Variants in ADAMTSL1 observed in about 807,000 individuals in gnomAD.
ADAMTSL1 encodes ADAMTS like 1, also known as ADAMTS-like protein 1.
ADAMTSL1 carries 126 observed loss-of-function variants against 201.8 expected under a neutral mutation model. The observed-to-expected ratio is 0.62, with a 90% CI of 0.54 to 0.72. ADAMTSL1 has a LOEUF of 0.72. Among genes scored for constraint, ADAMTSL1 ranks in the 30% least tolerant of loss-of-function variants. The pLI is 0.00. For synonymous variants in ADAMTSL1, 1,121 were observed against 903.4 expected (o/e 1.24, Z -4.32); for missense variants, 2,679 against 2,277.8 (o/e 1.18, Z -3.59).
At chr9:18,118,008 T>C (rs1825327626) in intron 1 of ADAMTSL1, among the ~76,000 whole-genome samples, 2 of 152,298 alleles carry the variant, frequency 1.3e-5, no homozygotes, top group South Asian at 4.1e-4. Context: ...GTCCTAAATA[T>C]AGCATGCACC....
At chr9:17,908,911 G>A (rs888580669) in intron 1 of ADAMTSL1, among the ~76,000 whole-genome samples, 2 of 151,560 alleles carry the variant, frequency 1.3e-5, no homozygotes, top group African/African-American at 4.8e-5. Flanking sequence ...CTTCCACAAT[G>A]GTTGAACTAG....
intron 1 of ADAMTSL1, among the ~76,000 whole-genome samples, chr9:18,083,549 C>G (rs1212083176): frequency 6.6e-6 from 1 of 152,156 alleles, no homozygotes; most frequent in African/African-American, 2.4e-5. Context: ...TAATTTCAGG[C>G]TTAAACCTTT....
intron 2 of ADAMTSL1, among the ~76,000 whole-genome samples, chr9:18,293,560 A>T (rs1189054899): frequency 6.6e-6 from 1 of 152,194 alleles, no homozygotes. Flanking sequence ...ATGCATAAAG[A>T]GTGAAAAAAG....
chr9:18,416,895 G>T (rs1390348005), intron 2 of ADAMTSL1, among the ~76,000 whole-genome samples: 1 of 151,976 alleles, frequency 6.6e-6, no homozygotes, highest in African/African-American at 2.4e-5. Flanking sequence ...TAGAAGACTT[G>T]AACAACACAA....
intron 2 of ADAMTSL1, among the ~76,000 whole-genome samples, chr9:18,321,667 CCTG>C (rs1834626699): frequency 1.3e-5 from 2 of 152,200 alleles, no homozygotes; most frequent in South Asian, 2.1e-4. Context: ...GCAACAGGCG[CCTG>C]TAGTCCCAGT....
chr9:18,864,942 C>T (rs1042077673), intron 23 of ADAMTSL1, among the ~76,000 whole-genome samples: 22 of 152,004 alleles, frequency 1.4e-4, no homozygotes, highest in African/African-American at 4.8e-4. Flanking sequence ...TAGACCCATT[C>T]AGAGAGATGT....
chr9:17,969,015 T>C (rs994463598), intron 1 of ADAMTSL1, among the ~76,000 whole-genome samples: 13 of 152,038 alleles, frequency 8.6e-5, no homozygotes, highest in African/African-American at 3.1e-4. Flanking sequence ...TCAGGAGTTC[T>C]GTATGATAAA....
chr9:18,056,183 C>A, intron 1 of ADAMTSL1, among the ~76,000 whole-genome samples: 1 of 150,750 alleles, frequency 6.6e-6, no homozygotes, highest in African/African-American at 2.4e-5. Flanking sequence ...TGCCCTTCTC[C>A]TCAAATATCA....
chr9:18,420,753 G>C (rs1348151649), intron 2 of ADAMTSL1, among the ~76,000 whole-genome samples: 1 of 152,206 alleles, frequency 6.6e-6, no homozygotes, highest in Non-Finnish European at 1.5e-5. Flanking sequence ...ATGGGGGAAT[G>C]AAATCCTTCA....
chr9:18,612,999 A>G (rs1351177949), intron 4 of ADAMTSL1, among the ~76,000 whole-genome samples: 1 of 152,196 alleles, frequency 6.6e-6, no homozygotes, highest in Non-Finnish European at 1.5e-5. Context: ...CATCTATAAG[A>G]AATTAAACAA....
At chr9:17,914,284 C>G (rs1826000991) in intron 1 of ADAMTSL1, among the ~76,000 whole-genome samples, 1 of 152,028 alleles carries the variant, frequency 6.6e-6, no homozygotes, top group Non-Finnish European at 1.5e-5. Context: ...AAAATACTGG[C>G]AAACCGAATC....
At chr9:18,480,540 A>G (rs1481334779) in intron 1 of ADAMTSL1, among the ~76,000 whole-genome samples, 1 of 152,228 alleles carries the variant, frequency 6.6e-6, no homozygotes, top group East Asian at 1.9e-4. Context: ...TCATTTAACC[A>G]TGAGCAAGAA....
chr9:18,794,642 G>GTT (rs200452714), intron 19 of ADAMTSL1, among the ~76,000 whole-genome samples: 3 of 148,044 alleles, frequency 2.0e-5, no homozygotes, highest in African/African-American at 7.6e-5. Context: ...TTTTGTTGTT[G>GTT]TTGTTTTTTG....
intron 2 of ADAMTSL1, among the ~76,000 whole-genome samples, chr9:18,528,039 G>A (rs553327158): frequency 5.3e-5 from 8 of 151,962 alleles, no homozygotes; most frequent in South Asian, 2.1e-4. Context: ...CACCATGCCC[G>A]GCTAATTTTT....
rs1320297363 is a variant in ADAMTSL1, at chr9:18,889,487, T to TCCCTGCCCTGCTCAGAAGGAATTCA, written c.4463-80_4463-56dup. ...CCACAAATCCACCCCTGTCACCTTC[T>TCCCTGCCCTGCTCAGAAGGAATTCA]CCCTGCCCTGCTCAGAAGGAATTCA... On this transcript the variant is annotated intron_variant, in intron 24 of 28. Transcript: ENST00000380548. 3 of 1,489,378 alleles carry TCCCTGCCCTGCTCAGAAGGAATTCA rather than the reference T, an allele frequency of 2.0e-6. No homozygotes were observed. The African/African-American group carries it at 4.2e-5, about 21-fold the overall frequency. 92.3% of individuals were successfully genotyped at this position (1,489,378 alleles called of 1,614,324 possible). A position where few individuals can be genotyped will look rare whatever the true frequency, so the allele number is the denominator to read the frequency against.
chr9:18,017,591 G>T (rs1336806822), intron 1 of ADAMTSL1, among the ~76,000 whole-genome samples: 1 of 151,890 alleles, frequency 6.6e-6, no homozygotes, highest in Non-Finnish European at 1.5e-5. Context: ...CAATGATACG[G>T]TCTGCGAGCA....
chr9:18,320,616 T>G (rs574193452), intron 2 of ADAMTSL1, among the ~76,000 whole-genome samples: 1 of 152,308 alleles, frequency 6.6e-6, no homozygotes, highest in African/African-American at 2.4e-5. Context: ...TTTCTAAATT[T>G]CTTTTAAAAA....
At chr9:18,546,935 T>A (rs1342944083) in intron 3 of ADAMTSL1, among the ~76,000 whole-genome samples, 1 of 152,146 alleles carries the variant, frequency 6.6e-6, no homozygotes, top group Non-Finnish European at 1.5e-5. Flanking sequence ...TGAAAACACC[T>A]GCTTTATGAT....
At chr9:18,205,637 C>A (rs1587307629) in intron 2 of ADAMTSL1, among the ~76,000 whole-genome samples, 1 of 152,134 alleles carries the variant, frequency 6.6e-6, no homozygotes, top group Non-Finnish European at 1.5e-5. Flanking sequence ...AACCTATGCT[C>A]TTCCTGTACT....
Sources: gnomAD v4.1 joint callset for allele counts (sites outside exome capture counted in the v4.1 genomes callset) on GRCh38, gnomAD v4.1.1 for gene constraint, MANE v1.5 for transcripts, NCBI Gene and HGNC (gene_info 2026-07-23, HGNC 2026-07-21) for gene names.